Variants in JAK1 observed in about 807,000 individuals in gnomAD.
JAK1 encodes the protein Janus kinase 1, also known as tyrosine-protein kinase JAK1.
Under a neutral mutation model 136.6 loss-of-function variants are expected in JAK1, and 16 were observed. That is an observed-to-expected ratio of 0.12 (90% confidence interval 0.08 to 0.18). The LOEUF (loss-of-function observed/expected upper bound fraction) is 0.18. Ranked by LOEUF, JAK1 falls within the 10% of genes least tolerant of loss-of-function variation. The pLI is 1.00. For synonymous variants in JAK1, 492 were observed against 519.5 expected (o/e 0.95, Z 0.72); for missense variants, 859 against 1,450.1 (o/e 0.59, Z 6.62).
chr1:64,863,315 G>A (rs1301561084), intron 8 of JAK1, among the ~76,000 whole-genome samples: 3 of 148,694 alleles, frequency 2.0e-5, no homozygotes, highest in East Asian at 2.0e-4. Context: ...CATATGACAC[G>A]GGGCCTAATA....
At chr1:64,975,010 A>G (rs1646485762) in intron 2 of JAK1, among the ~76,000 whole-genome samples, 2 of 151,884 alleles carry the variant, frequency 1.3e-5, no homozygotes, top group Admixed American at 1.3e-4. Context: ...CCCAGGTTCA[A>G]GCAATTCTCC....
At chr1:64,959,369 G>A (rs1465750546) in intron 1 of JAK1, among the ~76,000 whole-genome samples, 2 of 152,208 alleles carry the variant, frequency 1.3e-5, no homozygotes, top group African/African-American at 4.8e-5. Flanking sequence ...AACAGAAACT[G>A]TAAAAGGGCA....
Position 64,860,411 on chromosome 1 carries a change from C to CA in JAK1, c.1177-150_1177-149insT, listed in dbSNP as rs1570653575. 1.7e-5 allele frequency: 5 copies of CA among 302,292 alleles called. No homozygotes were observed. The East Asian group carries it at 2.4e-4, about 14-fold the overall frequency. 18.7% of individuals were successfully genotyped at this position (302,292 alleles called of 1,614,324 possible). A position where few individuals can be genotyped will look rare whatever the true frequency, so the allele number is the denominator to read the frequency against. On this transcript the variant is annotated intron_variant, in intron 8 of 24. Transcript: ENST00000342505. ...CTTTTCATCAATACTAAATATACCC[C>CA]TTGCATGCATTTATTTATTTATTTA...
chr1:64,839,595 T>A lies in JAK1; in HGVS notation c.2842+8A>T, dbSNP rs749550323. The A allele has an allele frequency of 3.1e-6, 5 of 1,611,928 alleles. No homozygotes were observed. The highest frequency in any genetic ancestry group is 2.2e-5 in the South Asian group (2 of 90,860). Reference sequence around the variant, plus strand: ...CTTTAAACCGGACCCCAGCCTTGCATAACATACCGTCTTCTGTGCAGATTC... The same window carrying A: ...CTTTAAACCGGACCCCAGCCTTGCAAAACATACCGTCTTCTGTGCAGATTC... On this transcript the variant is annotated splice_region_variant and intron_variant, in intron 20 of 24. Transcript: ENST00000342505.
intron 23 of JAK1, among the ~76,000 whole-genome samples, chr1:64,835,725 T>C (rs1654439897): frequency 6.6e-6 from 1 of 152,046 alleles, no homozygotes; most frequent in African/African-American, 2.4e-5. Flanking sequence ...TCCTTGTGCT[T>C]GTGCTGGTCA....
At chr1:64,967,495 A>G (rs1239487437), upstream of JAK1, among the ~76,000 whole-genome samples, 2 of 152,164 alleles carry the variant, frequency 1.3e-5, no homozygotes, top group Non-Finnish European at 2.9e-5. Flanking sequence ...TCCCCCTGAC[A>G]ATCCCTGGAT....
At chr1:65,009,154 A>G (rs1475653767) in intron 2 of JAK1, among the ~76,000 whole-genome samples, 3 of 152,248 alleles carry the variant, frequency 2.0e-5, no homozygotes, top group Non-Finnish European at 4.4e-5. Context: ...GCCATCCTAT[A>G]GAATTTAATA....
At chr1:64,919,420 T>G (rs896056880) in intron 1 of JAK1, among the ~76,000 whole-genome samples, 1 of 152,230 alleles carries the variant, frequency 6.6e-6, no homozygotes, top group African/African-American at 2.4e-5. Flanking sequence ...CTATCATTGA[T>G]GGACATTTGG....
In JAK1 at chr1:64,930,197, T is replaced by C. The variant is rs142951522; in HGVS notation, c.-78+36136A>G. Among the ~76,000 whole-genome samples, 365 of 152,206 alleles carry C rather than the reference T, an allele frequency of 2.4e-3. 2 individuals are homozygous for C. Among genetic ancestry groups the C allele is most frequent in the African/African-American group, 8.5e-3 (351 of 41,526 alleles). ...AGCTTCTGCACGGCAAAAGAAACTA[T>C]CATCAGAGTGAAGAGGCAATCTACA... On this transcript the variant is annotated intron_variant, in intron 1 of 24. Transcript: ENST00000342505.
At chr1:64,874,950 A>T (rs775537891) in intron 4 of JAK1, among the ~76,000 whole-genome samples, 47 of 152,146 alleles carry the variant, frequency 3.1e-4, no homozygotes, top group Admixed American at 2.0e-4. Flanking sequence ...ATCCAGCAAC[A>T]CACAATGGGG....
At chr1:64,917,150 T>C (rs1326800332) in intron 1 of JAK1, among the ~76,000 whole-genome samples, 1 of 152,000 alleles carries the variant, frequency 6.6e-6, no homozygotes, top group Non-Finnish European at 1.5e-5. Flanking sequence ...CAAAAGAGAA[T>C]AAAACAGGCT....
At chr1:65,063,942 A>G (rs190172596) in intron 1 of JAK1, among the ~76,000 whole-genome samples, 269 of 152,282 alleles carry the variant, frequency 1.8e-3, no homozygotes, top group Non-Finnish European at 3.0e-3. Flanking sequence ...TAGTAGCCAC[A>G]CTAATAAACA....
intron 2 of JAK1, among the ~76,000 whole-genome samples, chr1:65,037,301 A>G (rs913943223): frequency 2.6e-5 from 4 of 151,982 alleles, no homozygotes; most frequent in African/African-American, 9.7e-5. Context: ...AATCATATGA[A>G]GTTTTTTTGT....
In JAK1 at chr1:64,850,900, G is replaced by A. The variant is rs1244098077; in HGVS notation, c.1659C>T (p.Asn553=). The change falls in exon 12 of 25, where the codon AAC becomes AAT. Residue 553 remains asparagine (N), a synonymous_variant. Transcript: ENST00000342505. ...CCQPKPREIS[N]LLVATKKAQE... is the part of the protein sequence containing the mutation. Reference sequence around the variant, plus strand: ...GGGCTTTCTTAGTAGCCACCAGCAGGTTGGAGATTTCTGTGGAAGAGATTG... The same window carrying A: ...GGGCTTTCTTAGTAGCCACCAGCAGATTGGAGATTTCTGTGGAAGAGATTG... 3.1e-6 allele frequency: 5 copies of A among 1,612,572 alleles called. No homozygotes were observed. In the East Asian group the frequency reaches 8.9e-5, roughly 29 times the overall value.
intron 2 of JAK1, among the ~76,000 whole-genome samples, chr1:65,009,879 G>C (rs1261101988): frequency 6.6e-6 from 1 of 152,156 alleles, no homozygotes; most frequent in Non-Finnish European, 1.5e-5. Context: ...TTATGCAAAA[G>C]CATTTTTGTA....
chr1:64,925,124 C>T (rs1453700501), intron 1 of JAK1, among the ~76,000 whole-genome samples: 1 of 151,952 alleles, frequency 6.6e-6, no homozygotes, highest in Non-Finnish European at 1.5e-5. Flanking sequence ...AGGCTGGGCG[C>T]AGTGGCTCAT....
chr1:64,995,940 T>C (rs1488245262), intron 2 of JAK1, among the ~76,000 whole-genome samples: 1 of 152,122 alleles, frequency 6.6e-6, no homozygotes, highest in Non-Finnish European at 1.5e-5. Context: ...GGTTTTGCCA[T>C]ATTGTCTAGG....
intron 1 of JAK1, among the ~76,000 whole-genome samples, chr1:64,964,835 C>T (rs1463375950): frequency 6.6e-6 from 1 of 152,150 alleles, no homozygotes; most frequent in African/African-American, 2.4e-5. Flanking sequence ...ACAGGGGAGA[C>T]ATTTTCTCCA....
intron 2 of JAK1, among the ~76,000 whole-genome samples, chr1:65,035,925 G>T (rs897649172): frequency 2.0e-5 from 3 of 151,860 alleles, no homozygotes; most frequent in Admixed American, 2.0e-4. Context: ...AAAATTATCC[G>T]GGTGTGGTAG....
Sources: allele counts gnomAD v4.1 joint callset (sites outside exome capture counted in the v4.1 genomes callset), GRCh38; gene constraint gnomAD v4.1.1; transcripts MANE v1.5; gene names NCBI Gene and HGNC (gene_info 2026-07-23, HGNC 2026-07-21).